Variants in FCRL1 observed in about 807,000 individuals in gnomAD.
FCRL1 encodes the protein Fc receptor like 1, also known as Fc receptor-like protein 1.
In FCRL1, 34 loss-of-function variants were observed where a neutral mutation model predicts 49.2. The ratio of observed to expected loss-of-function variants is 0.69; its 90% CI spans 0.53 to 0.92. The LOEUF is 0.92. FCRL1 is among the 40% of genes least tolerant of loss of function. FCRL1 has a pLI of 0.00. For synonymous variants in FCRL1, 218 were observed against 201.6 expected (o/e 1.08, Z -0.69); for missense variants, 524 against 524.1 (o/e 1.00, Z 0.00).
rs1270748746 is a variant in FCRL1 at position 157,795,722 on chromosome 1, T to C, written c.*377A>G. 1.7e-5 allele frequency: 3 copies of C among 178,352 alleles called. No individual in the cohort carries two copies. Among genetic ancestry groups the C allele is most frequent in the East Asian group, 2.7e-4 (2 of 7,316 alleles). 11.0% of individuals were successfully genotyped at this position (178,352 alleles called of 1,614,324 possible). The stretch of plus-strand genomic sequence containing the variant: ...GATGGGCACAGCTCTCTCTGTGAAG[T>C]CCTGCAGAGTCACTAACCTTGAGTT... On this transcript the variant is annotated 3_prime_UTR_variant, in exon 11 of 11. Transcript: ENST00000368176.
At chr1:157,796,406 G>T (rs1244041492) in intron 10 of FCRL1, among the ~76,000 whole-genome samples, 2 of 152,172 alleles carry the variant, frequency 1.3e-5, no homozygotes, top group African/African-American at 4.8e-5. Context: ...CAGTGCCTTC[G>T]CTCATTCTTA....
rs771477520 is a variant in FCRL1 at position 157,798,216 on chromosome 1, C to T, written c.1059G>A (p.Glu353=). 3 of 1,612,764 alleles carry T rather than the reference C, an allele frequency of 1.9e-6. No homozygotes were observed. Among genetic ancestry groups the T allele is most frequent in the African/African-American group, 2.7e-5 (2 of 74,828 alleles). ...LRSLPSPLPQ[E]FTYLNSPTPG... is the part of the protein sequence containing the mutation. ...GGGTAGGTGAGTTGAGGTAGGTGAA[C>T]TCTTGGGGTAGAGGGCTGGGAAGGC... The change falls in exon 8 of 11, where the codon GAG becomes GAA. Residue 353 remains glutamate (E), a synonymous_variant. Coordinates refer to ENST00000368176, the MANE Select transcript of FCRL1 (RefSeq NM_052938.5).
At chr1:157,808,560 G>A (rs1231426311) in intron 1 of FCRL1, among the ~76,000 whole-genome samples, 1 of 152,218 alleles carries the variant, frequency 6.6e-6, no homozygotes, top group African/African-American at 2.4e-5. Context: ...ATCGGTGTCT[G>A]AGAAATAGGA....
rs1472910178 is a variant in FCRL1 at position 157,802,202 on chromosome 1, G to A, written c.608-9C>T. On this transcript the variant is annotated splice_polypyrimidine_tract_variant and intron_variant, in intron 4 of 10. Transcript: ENST00000368176. The stretch of plus-strand genomic sequence containing the variant: ...TGGGCGAGACACCGGGACTGAGGGA[G>A]ACAGTAGACTGTAAGAGACAGTCTC... 2 of 1,610,170 alleles carry A rather than the reference G, an allele frequency of 1.2e-6. No individual in the cohort carries two copies. Among genetic ancestry groups the A allele is most frequent in the Non-Finnish European group, 1.7e-6 (2 of 1,178,084 alleles).
chr1:157,797,714 C>A (rs537233057), intron 9 of FCRL1, 154 bp downstream of exon 9: 2 of 1,544,534 alleles, frequency 1.3e-6, no homozygotes, highest in Admixed American at 1.9e-5. Context: ...CTCAAGGTAG[C>A]TCCAGACCCA....
At position 157,802,489 on chromosome 1, in the gene FCRL1, T is replaced by A. The variant is rs1365538319; in HGVS notation, c.495A>T (p.Thr165=). Reference sequence around the variant, plus strand: ...TCACTGAAGGAATCTCATACTCTGCTGTCAGTGAACGCTGGGTCTTTGACT... The same window carrying A: ...TCACTGAAGGAATCTCATACTCTGCAGTCAGTGAACGCTGGGTCTTTGACT... ...NLQSKTQRSL[T]AEYEIPSVRE... The change falls in exon 4 of 11, where the codon ACA becomes ACT. Residue 165 remains threonine, a synonymous_variant. Transcript: ENST00000368176. The A allele has an allele frequency of 2.5e-6, 4 of 1,614,218 alleles. No homozygotes were observed. Among genetic ancestry groups the A allele is most frequent in the Admixed American group, 3.3e-5 (2 of 60,030 alleles).
intron 1 of FCRL1, among the ~76,000 whole-genome samples, chr1:157,808,724 C>A (rs984032278): frequency 6.6e-6 from 1 of 152,044 alleles, no homozygotes; most frequent in African/African-American, 2.4e-5. Context: ...GCAGGGAGAA[C>A]GTTAGTGGGA....
intron 1 of FCRL1, among the ~76,000 whole-genome samples, chr1:157,817,720 T>A (rs1389423331): frequency 6.6e-6 from 1 of 151,760 alleles, no homozygotes; most frequent in Non-Finnish European, 1.5e-5. Context: ...AAAGAAACAA[T>A]CAACAGAGTG....
rs1651420227 is a variant in FCRL1 at position 157,796,086 on chromosome 1, A to G, written c.*13T>C. ...TCATGGATGGTTTTCAAAGAGCAGAATCTTCCATAACCTTACATAGCATCT... is the reference window on the plus strand; with the variant it reads ...TCATGGATGGTTTTCAAAGAGCAGAGTCTTCCATAACCTTACATAGCATCT... On this transcript the variant is annotated 3_prime_UTR_variant, in exon 11 of 11. Transcript: ENST00000368176. The G allele has an allele frequency of 6.2e-7, 1 of 1,612,242 alleles. No individual in the cohort carries two copies. The highest frequency in any genetic ancestry group is 8.5e-7 in the Non-Finnish European group (1 of 1,178,256).
rs918009398 is a variant in FCRL1, at chr1:157,796,158, T to C, written c.1231A>G (p.Ile411Val). 12 of 1,613,850 alleles carry C rather than the reference T, an allele frequency of 7.4e-6. No individual in the cohort carries two copies. Among genetic ancestry groups the C allele is most frequent in the African/African-American group, 1.3e-5 (1 of 74,920 alleles). ...TTTGCTTTCCTCAGCCTGGAATAGA[T>C]GTCTAAGGAAACCTGGAAGCAAAGA... ...THMEDKVSLDIYSRLRKANIT... is the reference protein window; with the variant it reads ...THMEDKVSLDVYSRLRKANIT... The change falls in exon 11 of 11, where the codon ATC (isoleucine) becomes GTC (valine). Residue 411 changes from isoleucine (I) to valine (V), a missense_variant. By Grantham distance (29) the Ile-to-Val change is conservative. Transcript: ENST00000368176.
chr1:157,819,966 A>G (rs750628799), intron 1 of FCRL1, 41 bp downstream of exon 1: 4 of 1,613,296 alleles, frequency 2.5e-6, no homozygotes, highest in African/African-American at 1.3e-5. Flanking sequence ...GAGCCCAAGC[A>G]TGATTGCATC....
At chr1:157,810,488 G>C (rs1425844698) in intron 1 of FCRL1, among the ~76,000 whole-genome samples, 2 of 151,752 alleles carry the variant, frequency 1.3e-5, no homozygotes, top group Non-Finnish European at 2.9e-5. Context: ...GTAGAGATGG[G>C]GTTTCACCAT....
chr1:157,801,762 C>A (rs1461030865), intron 5 of FCRL1, among the ~76,000 whole-genome samples, 153 bp downstream of exon 5: 1 of 152,204 alleles, frequency 6.6e-6, no homozygotes, highest in Admixed American at 6.5e-5. Context: ...TTGAGTTCTC[C>A]ATGCCCCTCC....
intron 9 of FCRL1, 97 bp from the exon 10 acceptor site, chr1:157,797,229 C>T: frequency 8.9e-7 from 1 of 1,125,006 alleles, no homozygotes; most frequent in Non-Finnish European, 1.4e-6. Flanking sequence ...CCATCTATTT[C>T]CCATGAATTG....
At chr1:157,810,601 A>T (rs1450009030) in intron 1 of FCRL1, among the ~76,000 whole-genome samples, 1 of 152,070 alleles carries the variant, frequency 6.6e-6, no homozygotes, top group East Asian at 1.9e-4. Context: ...CCAGCCGGGA[A>T]ATTTTTGAAG....
intron 9 of FCRL1, among the ~76,000 whole-genome samples, chr1:157,797,357 A>C (rs1490350622): frequency 2.0e-5 from 3 of 152,114 alleles, no homozygotes; most frequent in Non-Finnish European, 2.9e-5. Flanking sequence ...CTATGCCAGG[A>C]GGGGCCTTTA....
rs778028837 is a variant in FCRL1, at chr1:157,798,131, CG to C, written c.1114+29del. 5.0e-6 allele frequency: 8 copies of C among 1,595,952 alleles called. No homozygotes were observed. In the African/African-American group the frequency reaches 1.1e-4, roughly 21 times the overall value. ...TCCCTTCCCTAGCTTGCTGTACCAT[CG>C]TTGGCCTGGGCCATTTGGGAAGGCT... On this transcript the variant is annotated intron_variant, in intron 8 of 10. Transcript: ENST00000368176.
At chr1:157,801,405 A>C in intron 6 of FCRL1, 56 bp downstream of exon 6, 2 of 1,116,810 alleles carry the variant, frequency 1.8e-6, no homozygotes, top group Non-Finnish European at 2.7e-6. Context: ...ATTTCAGCCT[A>C]TTTCAGTGAA....
intron 1 of FCRL1, among the ~76,000 whole-genome samples, chr1:157,809,248 A>G (rs1018093993): frequency 2.6e-5 from 4 of 152,172 alleles, no homozygotes; most frequent in Admixed American, 6.5e-5. Context: ...AGGATGTCCA[A>G]CATTTTGAGG....
Sources: gnomAD v4.1 joint callset for allele counts (sites outside exome capture counted in the v4.1 genomes callset) on GRCh38, gnomAD v4.1.1 for gene constraint, MANE v1.5 for transcripts, NCBI Gene and HGNC (gene_info 2026-07-23, HGNC 2026-07-21) for gene names.